Variants in COL11A2 observed in about 807,000 individuals in gnomAD.
COL11A2 encodes collagen type XI alpha 2 chain.
In COL11A2, 116 loss-of-function variants were observed where a neutral mutation model predicts 273.4. That is an observed-to-expected ratio of 0.42 (90% CI 0.36 to 0.49). COL11A2 has a LOEUF of 0.49. Among genes scored for constraint, COL11A2 ranks in the 20% least tolerant of loss-of-function variants. The pLI, the probability that COL11A2 is intolerant of heterozygous loss-of-function variation, is 0.00. For synonymous variants in COL11A2, 782 were observed against 864.2 expected, an observed-to-expected ratio of 0.90 and a Z score of 1.67; for missense variants, 1,866 against 2,309.0, an observed-to-expected ratio of 0.81 and a Z score of 3.93.
chr6:33,185,585 T>A, intron 6 of COL11A2, 116 bp downstream of exon 6: 2 of 513,788 alleles, frequency 3.9e-6, no homozygotes, highest in Non-Finnish European at 7.8e-6. Flanking sequence ...ATCCCCATAA[T>A]CTAAACACAC....
chr6:33,166,586 G>A lies in COL11A2; in HGVS notation c.4339-20C>T, dbSNP rs762084153. 1.3e-5 allele frequency: 21 copies of A among 1,613,690 alleles called. No homozygotes were observed. In the East Asian group the frequency reaches 3.8e-4, roughly 29 times the overall value. On this transcript the variant is annotated intron_variant, in intron 59 of 65. Transcript: ENST00000341947. The surrounding 1 kb of genome is among the most constrained non-coding windows in gnomAD (Gnocchi z 4.8). ...GATACCCTAGGAAGGGTAGTGGCTG[G>A]TTCAACTGGGTCCTCCTCCCACACC... is the stretch of plus-strand genomic sequence containing the variant.
At chr6:33,188,883 G>A (rs1438483780) in intron 3 of COL11A2, 95 bp downstream of exon 3, 1 of 1,387,486 alleles carries the variant, frequency 7.2e-7, no homozygotes, top group Non-Finnish European at 1.0e-6. Context: ...TGGCCCAAAG[G>A]GTCTCAAGGG....
rs367757994 is a variant in COL11A2 at position 33,179,293 on chromosome 6, G to C, written c.1504-9C>G. On this transcript the variant is annotated splice_polypyrimidine_tract_variant and intron_variant, in intron 14 of 65. Transcript: ENST00000341947. The surrounding 1 kb of genome is among the most constrained non-coding windows in gnomAD (Gnocchi z 6.4). ...GGGCTCCCAGGTTGGCCCTGGGAGA[G>C]AGAAGAGAGGATGGCCGTAAGGAAG... 8.1e-6 allele frequency: 13 copies of C among 1,608,970 alleles called. No homozygotes were observed. The highest frequency in any genetic ancestry group is 1.3e-5 in the African/African-American group (1 of 74,860).
At chr6:33,185,160 T>A in intron 6 of COL11A2, 106 bp from the exon 7 acceptor site, 1 of 831,826 alleles carries the variant, frequency 1.2e-6, no homozygotes, top group Non-Finnish European at 2.0e-6. Context: ...GCAGGGTCTG[T>A]CTGTGCTGGG....
chr6:33,170,442 G>A lies in COL11A2; in HGVS notation c.3529-63C>T. On this transcript the variant is annotated intron_variant, in intron 47 of 65. Transcript: ENST00000341947. The surrounding 1 kb of genome is among the most constrained non-coding windows in gnomAD (Gnocchi z 4.3). ...GTGAGATGGCTGAGCATGAATGGTG[G>A]AGAGAGGAGGAGGAGCAGCCAGGCC... is the stretch of plus-strand genomic sequence containing the variant. 6.3e-7 allele frequency: 1 copy of A among 1,591,548 alleles called. No individual in the cohort carries two copies. Among genetic ancestry groups the A allele is most frequent in the Admixed American group, 1.7e-5 (1 of 59,538 alleles).
chr6:33,173,703 T>C lies in COL11A2; in HGVS notation c.2626A>G (p.Arg876Gly), dbSNP rs1344287491. The change falls in exon 35 of 66, where the codon AGG becomes GGG. Residue 876 changes from arginine (R) to glycine (G), a missense_variant and splice_region_variant. Physicochemically the swap from Arg to Gly is moderately radical, Grantham distance 125 (BLOSUM62 -2). Coordinates refer to ENST00000341947, the MANE Select transcript of COL11A2 (RefSeq NM_080680.3). The surrounding 1 kb of genome is among the most constrained non-coding windows in gnomAD (Gnocchi z 6.3). ...GDGPHGPPGERGLPGPQGPNG... is the reference protein window; with the variant it reads ...GDGPHGPPGEGGLPGPQGPNG... ...GGGGACTTTCGATCCACACTCACCC[T>C]CTCTCCAGGGGGCCCATGGGGGCCA... 1 of 1,569,436 alleles carries C rather than the reference T, an allele frequency of 6.4e-7. No individual in the cohort carries two copies. The highest frequency in any genetic ancestry group is 1.8e-5 in the Admixed American group (1 of 56,170).
chr6:33,171,894 T>G, intron 41 of COL11A2, 74 bp from the exon 42 acceptor site: 2 of 1,566,870 alleles, frequency 1.3e-6, no homozygotes, highest in Non-Finnish European at 8.8e-7. Flanking sequence ...CAGACCACAA[T>G]TCCCAAAAGC....
chr6:33,169,708 T>C lies in COL11A2; in HGVS notation c.3690+123A>G, dbSNP rs1769756305. On this transcript the variant is annotated intron_variant, in intron 50 of 65. Coordinates refer to ENST00000341947, the MANE Select transcript of COL11A2 (RefSeq NM_080680.3). This position sits in a 1 kb window ranked among gnomAD's most constrained non-coding sequence, Gnocchi z 5.5. The stretch of plus-strand genomic sequence containing the variant: ...ACCAGGGATCAGGCCTCATAGAGGA[T>C]GGCAGGGAGCAGAGACTCTTGCTGC... 8.6e-6 allele frequency: 11 copies of C among 1,285,452 alleles called. No homozygotes were observed. In the South Asian group the frequency reaches 9.5e-5, roughly 11 times the overall value. 79.6% of individuals were successfully genotyped at this position (1,285,452 alleles called of 1,614,324 possible).
intron 32 of COL11A2, 25 bp downstream of exon 32, chr6:33,174,140 C>T: frequency 6.3e-7 from 1 of 1,594,826 alleles, no homozygotes; most frequent in Non-Finnish European, 8.5e-7. Flanking sequence ...CTTCCCTTCT[C>T]ACGCCCTCCC....
chr6:33,188,582 A>G (rs1772707445), intron 3 of COL11A2, 58 bp from the exon 4 acceptor site: 1 of 1,602,396 alleles, frequency 6.2e-7, no homozygotes, highest in Non-Finnish European at 8.5e-7. Context: ...AGGGGAGTCA[A>G]CATGGTTGGA....
intron 30 of COL11A2, among the ~76,000 whole-genome samples, 200 bp from the exon 31 acceptor site, chr6:33,174,780 A>G (rs1770671906): frequency 3.3e-5 from 5 of 151,836 alleles, no homozygotes; most frequent in Admixed American, 2.0e-4. Flanking sequence ...ATTTTCCCCA[A>G]TTCTAGTGCT....
Position 33,166,903 on chromosome 6 carries a change from G to T in COL11A2, c.4231-76C>A. The T allele has an allele frequency of 6.5e-7, 1 of 1,545,544 alleles. No homozygotes were observed. ...TGGGGGAGAAGGGCCAAGAGGACAT[G>T]GAGAGGGAGCCGGGCACAGGGTCCG... is the stretch of plus-strand genomic sequence containing the variant. On this transcript the variant is annotated intron_variant, in intron 58 of 65. Coordinates refer to ENST00000341947, the MANE Select transcript of COL11A2 (RefSeq NM_080680.3). This position sits in a 1 kb window ranked among gnomAD's most constrained non-coding sequence, Gnocchi z 4.8.
rs200099239 is a variant in COL11A2, at chr6:33,164,855, C to T, written c.4860G>A (p.Thr1620=). ...ETCVTPRDDV[T]QFSYVDSEGS... ...GCAGCGAGGGGCCAGCTCTCACCTG[C>T]GTGACGTCATCCCTAGGCGTCACAC... The change falls in exon 64 of 66, where the codon ACG becomes ACA. Residue 1620 remains threonine, a synonymous_variant. Transcript: ENST00000341947. This position sits in a 1 kb window ranked among gnomAD's most constrained non-coding sequence, Gnocchi z 4.7. The T allele has an allele frequency of 6.3e-5, 98 of 1,556,794 alleles. No individual in the cohort carries two copies. In the East Asian group the frequency reaches 1.6e-3, roughly 26 times the overall value.
rs368369144 is a variant in COL11A2 at position 33,164,237 on chromosome 6, A to C, written c.5070+30T>G. On this transcript the variant is annotated intron_variant, in intron 65 of 65. Transcript: ENST00000341947. The surrounding 1 kb of genome is among the most constrained non-coding windows in gnomAD (Gnocchi z 4.7). ...CTTCCTCCAGCCTGAGTCTGAGATC[A>C]GCCCCCAACCCAGCTCTTCCTGTTC... is the stretch of plus-strand genomic sequence containing the variant. 1,396 of 1,611,322 alleles carry C rather than the reference A, an allele frequency of 8.7e-4. 13 individuals carry two copies. In the African/African-American group the frequency reaches 0.017, roughly 20 times the overall value.
At position 33,166,649 on chromosome 6, in the gene COL11A2, C is replaced by G. The variant is rs747979390; in HGVS notation, c.4338+71G>C. On this transcript the variant is annotated intron_variant, in intron 59 of 65. Coordinates refer to ENST00000341947, the MANE Select transcript of COL11A2 (RefSeq NM_080680.3). The surrounding 1 kb of genome is among the most constrained non-coding windows in gnomAD (Gnocchi z 4.8). ...TGCTCGCTTACCCACAGCTGAGTCCCAACTCCAACTCCACCCCTCTCCACC... is the reference window on the plus strand; with the variant it reads ...TGCTCGCTTACCCACAGCTGAGTCCGAACTCCAACTCCACCCCTCTCCACC... 21 of 1,609,122 alleles carry G rather than the reference C, an allele frequency of 1.3e-5. No individual in the cohort carries two copies. The highest frequency in any genetic ancestry group is 1.8e-5 in the Non-Finnish European group (21 of 1,176,832).
In COL11A2 at chr6:33,178,756, A is replaced by T; in HGVS notation, c.1666-24T>A. ...CCCTAGGAGGAGGAAGGATAGCCAG[A>T]GTGAGGACACGACCCTGTCCAAGCC... On this transcript the variant is annotated intron_variant, in intron 17 of 65. Transcript: ENST00000341947. The surrounding 1 kb of genome is among the most constrained non-coding windows in gnomAD (Gnocchi z 4.6). 6.2e-7 allele frequency: 1 copy of T among 1,612,656 alleles called. No homozygotes were observed. Among genetic ancestry groups the T allele is most frequent in the Non-Finnish European group, 8.5e-7 (1 of 1,179,820 alleles).
rs1769132014 is a variant in COL11A2, at chr6:33,166,272, G to A, written c.4393-66C>T. On this transcript the variant is annotated intron_variant, in intron 60 of 65. Transcript: ENST00000341947. This position sits in a 1 kb window ranked among gnomAD's most constrained non-coding sequence, Gnocchi z 4.8. ...GAAGGACAGGACTCAGAGGAGCGGG[G>A]AGGCAAGGTCCCAAGTCCACAGGAG... 2 of 1,556,154 alleles carry A rather than the reference G, an allele frequency of 1.3e-6. No homozygotes were observed. Among genetic ancestry groups the A allele is most frequent in the Non-Finnish European group, 1.7e-6 (2 of 1,148,852 alleles).
Position 33,167,080 on chromosome 6 carries a change from T to C in COL11A2, c.4220A>G (p.Lys1407Arg). ...CTGTCTGTCACTCACCTTCTCTCCC[T>C]TGGCTCCAGCATCGCCCCGGAGACC... ...LPGLRGDAGA[K>R]GEKGHPGLIG... The change falls in exon 58 of 66, where the codon AAG becomes AGG. Residue 1407 changes from lysine (K) to arginine (R), a missense_variant. Transcript: ENST00000341947. The surrounding 1 kb of genome is among the most constrained non-coding windows in gnomAD (Gnocchi z 6.1). 1 of 1,613,898 alleles carries C rather than the reference T, an allele frequency of 6.2e-7. No homozygotes were observed. Among genetic ancestry groups the C allele is most frequent in the Non-Finnish European group, 8.5e-7 (1 of 1,179,984 alleles).
chr6:33,172,428 CAG>C lies in COL11A2; in HGVS notation c.2899-52_2899-51del, dbSNP rs771480073. The stretch of plus-strand genomic sequence containing the variant: ...GCCACAGCCATGCTCCCAAATTAAA[CAG>C]AGAGCTCTCCAGCCCCCCCTCAAAT... On this transcript the variant is annotated intron_variant, in intron 39 of 65. Coordinates refer to ENST00000341947, the MANE Select transcript of COL11A2 (RefSeq NM_080680.3). 2.6e-6 allele frequency: 4 copies of C among 1,554,852 alleles called. No homozygotes were observed. The African/African-American group carries it at 5.4e-5, about 21-fold the overall frequency.
Sources: allele counts gnomAD v4.1 joint callset (sites outside exome capture counted in the v4.1 genomes callset), GRCh38; gene constraint gnomAD v4.1.1; non-coding constraint Gnocchi (gnomAD v3.1); transcripts MANE v1.5; gene names NCBI Gene and HGNC (gene_info 2026-07-23, HGNC 2026-07-21).